The following RIC8B variants were observed in gnomAD, a reference collection of about 807,000 sequenced individuals.
RIC8B encodes RIC8 guanine nucleotide exchange factor B.
A neutral mutation model predicts 57.5 loss-of-function variants in RIC8B; 16 were observed. The ratio of observed to expected loss-of-function variants is 0.28; its 90% CI spans 0.19 to 0.42. RIC8B has a LOEUF of 0.42. RIC8B is among the 10% of genes least tolerant of loss of function. The pLI is 1.00. For synonymous variants in RIC8B, 216 were observed against 250.8 expected (o/e 0.86, Z 1.31); for missense variants, 481 against 677.0 (o/e 0.71, Z 3.21).
At chr12:106,841,007 A>G (rs2136412213) in intron 4 of RIC8B, among the ~76,000 whole-genome samples, 2 of 152,322 alleles carry the variant, frequency 1.3e-5, no homozygotes, top group Middle Eastern at 3.4e-3. Flanking sequence ...ATTTAGTAAC[A>G]ATTTCTAAGT....
intron 8 of RIC8B, among the ~76,000 whole-genome samples, chr12:106,860,916 A>T (rs1949904572): frequency 6.6e-6 from 1 of 152,170 alleles, no homozygotes; most frequent in African/African-American, 2.4e-5. Flanking sequence ...TTTTAATCAA[A>T]CAAACATATA....
intron 4 of RIC8B, among the ~76,000 whole-genome samples, chr12:106,832,497 G>T (rs752032215): frequency 2.6e-5 from 4 of 151,828 alleles, no homozygotes; most frequent in Non-Finnish European, 5.9e-5. Context: ...AACCTGGGGG[G>T]CTGAGATTGC....
intron 3 of RIC8B, among the ~76,000 whole-genome samples, chr12:106,821,582 G>A (rs902840465): frequency 1.3e-5 from 2 of 152,048 alleles, no homozygotes; most frequent in African/African-American, 4.8e-5. Context: ...TCTTATATGA[G>A]CAAAGATTTC....
At position 106,867,286 on chromosome 12, in the gene RIC8B, C is replaced by T. The variant is rs1950181764; in HGVS notation, c.1452-3537C>T. On this transcript the variant is annotated intron_variant, in intron 8 of 9. Coordinates refer to ENST00000392837, the MANE Select transcript of RIC8B (RefSeq NM_001330145.2). The surrounding 1 kb of genome is among the most constrained non-coding windows in gnomAD (Gnocchi z 4.3). ...TGTCAGTTCATATAATAGTCTTATA[C>T]AAAATTTATGATGAAATACCACAGA... Among the ~76,000 whole-genome samples, 1 of 152,106 alleles carries T rather than the reference C, an allele frequency of 6.6e-6. No individual in the cohort carries two copies. Among genetic ancestry groups the T allele is most frequent in the Non-Finnish European group, 1.5e-5 (1 of 68,022 alleles).
chr12:106,873,166 CA>C (rs1220477026), intron 9 of RIC8B: 1 of 985,274 alleles, frequency 1.0e-6, no homozygotes, highest in Non-Finnish European at 1.2e-6. Flanking sequence ...AGCAGATGCC[CA>C]ACTGAAGGTG....
Position 106,797,371 on chromosome 12 carries a change from A to T in RIC8B, c.132+13327A>T, listed in dbSNP as rs149442606. Among the ~76,000 whole-genome samples the T allele has an allele frequency of 2.5e-3, 382 of 152,372 alleles. 1 individual carries two copies. Among genetic ancestry groups the T allele is most frequent in the African/African-American group, 8.4e-3 (349 of 41,590 alleles). On this transcript the variant is annotated intron_variant, in intron 2 of 9. Transcript: ENST00000392837. Reference sequence around the variant, plus strand: ...AACATGGATGAACCTTGAAAACATTATGTTACACGAAAGATACCAGACACT... The same window carrying T: ...AACATGGATGAACCTTGAAAACATTTTGTTACACGAAAGATACCAGACACT...
intron 4 of RIC8B, among the ~76,000 whole-genome samples, chr12:106,838,264 G>T (rs1368890795): frequency 1.3e-5 from 2 of 152,158 alleles, no homozygotes; most frequent in Admixed American, 6.5e-5. Context: ...GTTTTGGGAA[G>T]ACTGGATTTC....
chr12:106,817,104 A>C (rs539093642), intron 3 of RIC8B, among the ~76,000 whole-genome samples: 1 of 152,308 alleles, frequency 6.6e-6, no homozygotes, highest in African/African-American at 2.4e-5. Context: ...TCCAAAGTCA[A>C]CTTTTAGCAA....
intron 2 of RIC8B, among the ~76,000 whole-genome samples, chr12:106,799,116 A>T (rs988535414): frequency 1.3e-5 from 2 of 152,256 alleles, no homozygotes; most frequent in Non-Finnish European, 1.5e-5. Context: ...GACACTGTAG[A>T]ATCTATAGAA....
chr12:106,880,255 G>A (rs1006820739), intron 9 of RIC8B, among the ~76,000 whole-genome samples: 1 of 152,140 alleles, frequency 6.6e-6, no homozygotes, highest in Admixed American at 6.6e-5. Flanking sequence ...TGACAATTTG[G>A]TAGGATGCTG....
chr12:106,844,166 A>G (rs1017963881), intron 6 of RIC8B, among the ~76,000 whole-genome samples: 1 of 152,198 alleles, frequency 6.6e-6, no homozygotes, highest in Non-Finnish European at 1.5e-5. Flanking sequence ...TGGGCATTGA[A>G]CAACAGATGA....
chr12:106,784,521 GC>G (rs2043911748), intron 2 of RIC8B, among the ~76,000 whole-genome samples: 1 of 152,128 alleles, frequency 6.6e-6, no homozygotes, highest in African/African-American at 2.4e-5. Flanking sequence ...ACACCAGCAT[GC>G]CCATTTTAAA....
Position 106,868,766 on chromosome 12 carries a change from G to GACACACACACACACACACAC in RIC8B, c.1452-2027_1452-2008dup, listed in dbSNP as rs56293147. ...ATGAGTGTCTAAAGCAGGCACTCTAGACACACACACACACACACACACACA... is the reference window on the plus strand; with the variant it reads ...ATGAGTGTCTAAAGCAGGCACTCTAGACACACACACACACACACACACACACACACACACACACACACACA... On this transcript the variant is annotated intron_variant, in intron 8 of 9. Coordinates refer to ENST00000392837, the MANE Select transcript of RIC8B (RefSeq NM_001330145.2). Among the ~76,000 whole-genome samples, 138 of 123,020 alleles carry GACACACACACACACACACAC rather than the reference G, an allele frequency of 1.1e-3. 2 individuals are homozygous for GACACACACACACACACACAC. Among genetic ancestry groups the GACACACACACACACACACAC allele is most frequent in the African/African-American group, 4.3e-3 (136 of 31,832 alleles). The allele number at this position is 123,020 out of a possible 152,430, so 80.7% of individuals were successfully genotyped here.
chr12:106,816,165 G>A (rs1468361976), intron 3 of RIC8B, among the ~76,000 whole-genome samples: 1 of 143,154 alleles, frequency 7.0e-6, no homozygotes, highest in African/African-American at 2.7e-5. Context: ...ACCCCCTCCT[G>A]TAAAAAGAAA....
chr12:106,886,629 A>T lies in RIC8B; in HGVS notation c.*614A>T, dbSNP rs1448360848. 1 of 152,610 alleles carries T rather than the reference A, an allele frequency of 6.6e-6. No individual in the cohort carries two copies. Among genetic ancestry groups the T allele is most frequent in the Non-Finnish European group, 1.5e-5 (1 of 68,066 alleles). 9.5% of individuals were successfully genotyped at this position (152,610 alleles called of 1,614,324 possible). On this transcript the variant is annotated 3_prime_UTR_variant, in exon 10 of 10. Transcript: ENST00000392837. ...TCAGTTAGCTAAAACTTCAGAATAC[A>T]TTTCTCCCTATAAAGAGTTATAAAT...
chr12:106,843,375 A>G (rs1949038859), intron 5 of RIC8B, among the ~76,000 whole-genome samples: 1 of 152,222 alleles, frequency 6.6e-6, no homozygotes, highest in Non-Finnish European at 1.5e-5. Flanking sequence ...AAATGTAGGA[A>G]CATCCAGGAA....
chr12:106,794,066 A>G (rs59573967), intron 2 of RIC8B, among the ~76,000 whole-genome samples: 195 of 152,370 alleles, frequency 1.3e-3, no homozygotes, highest in African/African-American at 4.5e-3. Context: ...TAACAGATGT[A>G]ATGAAGTCAC....
At position 106,886,184 on chromosome 12, in the gene RIC8B, T is replaced by A. The variant is rs889325550; in HGVS notation, c.*169T>A. 1 of 592,228 alleles carries A rather than the reference T, an allele frequency of 1.7e-6. No individual in the cohort carries two copies. The highest frequency in any genetic ancestry group is 3.0e-6 in the Non-Finnish European group (1 of 336,318). The allele number at this position is 592,228 out of a possible 1,614,324, so 36.7% of individuals were successfully genotyped here. On this transcript the variant is annotated 3_prime_UTR_variant, in exon 10 of 10. Transcript: ENST00000392837. ...TTAAGAGGTGACCCTGTGTTTTTTG[T>A]GATATTGAGGCATTCATACAGAGCT...
chr12:106,862,604 G>T (rs1949987795), intron 8 of RIC8B, among the ~76,000 whole-genome samples: 1 of 152,118 alleles, frequency 6.6e-6, no homozygotes, highest in African/African-American at 2.4e-5. Context: ...CCATTCACCA[G>T]TCAGAGTTCC....
Sources: gnomAD v4.1 joint callset for allele counts (sites outside exome capture counted in the v4.1 genomes callset) on GRCh38, gnomAD v4.1.1 for gene constraint, Gnocchi (gnomAD v3.1) non-coding constraint, MANE v1.5 for transcripts, NCBI Gene and HGNC (gene_info 2026-07-23, HGNC 2026-07-21) for gene names.